MYBPC2: variants seen among roughly 807,000 people sequenced by gnomAD.
MYBPC2 encodes the protein myosin-binding protein C, fast-type.
Under a neutral mutation model 137.0 loss-of-function variants are expected in MYBPC2, and 122 were observed. The ratio of observed to expected loss-of-function variants is 0.89; its 90% confidence interval spans 0.77 to 1.03. MYBPC2 has a LOEUF of 1.03. Among genes scored for constraint, MYBPC2 ranks in the 50% least tolerant of loss-of-function variants. The pLI is 0.00. For missense variants in MYBPC2, 1,500 were observed against 1,534.4 expected, an observed-to-expected ratio of 0.98 and a Z score of 0.37; for synonymous variants, 626 against 612.3, an observed-to-expected ratio of 1.02 and a Z score of -0.33.
chr19:50,442,970 G>T (rs1240961018), intron 9 of MYBPC2, among the ~76,000 whole-genome samples: 1 of 151,612 alleles, frequency 6.6e-6, no homozygotes, highest in Non-Finnish European at 1.5e-5. Flanking sequence ...GTAGAGATGG[G>T]GTTTTACCAT....
rs778154387 is a variant in MYBPC2, at chr19:50,446,068, G to A, written c.1306+16G>A. On this transcript the variant is annotated intron_variant, in intron 12 of 27. Coordinates refer to ENST00000357701, the MANE Select transcript of MYBPC2 (RefSeq NM_004533.4). ...ATTGTGGAAGGTATGGGGCCTCCAG[G>A]TAGGGCACGGGCTGCACTGCGCATG... 2.9e-5 allele frequency: 46 copies of A among 1,609,782 alleles called. No homozygotes were observed. The highest frequency in any genetic ancestry group is 3.8e-5 in the Non-Finnish European group (45 of 1,178,250).
chr19:50,460,320 C>A lies in MYBPC2; in HGVS notation c.2931+141C>A. 7 of 1,219,526 alleles carry A rather than the reference C, an allele frequency of 5.7e-6. 1 individual carries two copies. In the South Asian group the frequency reaches 1.1e-4, roughly 20 times the overall value. The allele number at this position is 1,219,526 out of a possible 1,614,324, so 75.5% of individuals were successfully genotyped here. A position where few individuals can be genotyped will look rare whatever the true frequency, so the allele number is the denominator to read the frequency against. ...TGGGGCCAGGAGGGAAGCCTTTTAGCTGAGACTTGGCACGTGATGGGTTTT... is the reference window on the plus strand; with the variant it reads ...TGGGGCCAGGAGGGAAGCCTTTTAGATGAGACTTGGCACGTGATGGGTTTT... On this transcript the variant is annotated intron_variant, in intron 24 of 27. Coordinates refer to ENST00000357701, the MANE Select transcript of MYBPC2 (RefSeq NM_004533.4).
intron 20 of MYBPC2, among the ~76,000 whole-genome samples, chr19:50,457,348 C>T (rs2039922818): frequency 6.6e-6 from 1 of 152,176 alleles, no homozygotes; most frequent in African/African-American, 2.4e-5. Context: ...ATGAGTTCCC[C>T]AGCCCATGGC....
At chr19:50,460,305 A>G (rs1601297727) in intron 24 of MYBPC2, 126 bp downstream of exon 24, 1 of 1,344,508 alleles carries the variant, frequency 7.4e-7, no homozygotes, top group South Asian at 1.5e-5. Flanking sequence ...TGGGGCCAGG[A>G]GGGAAGCCTT....
At position 50,466,281 on chromosome 19, in the gene MYBPC2, T is replaced by C; in HGVS notation, c.*76T>C. 3.1e-6 allele frequency: 5 copies of C among 1,594,314 alleles called. No homozygotes were observed. The highest frequency in any genetic ancestry group is 3.4e-6 in the Non-Finnish European group (4 of 1,163,908). On this transcript the variant is annotated 3_prime_UTR_variant, in exon 28 of 28. Transcript: ENST00000357701. The surrounding 1 kb of genome is among the most constrained non-coding windows in gnomAD (Gnocchi z 4.9). ...TCCCCAACCTCCCAGGACTGTGTTC[T>C]TTCTGGAGTTTTCGCTGAGAACAAA...
At chr19:50,456,050 TTCCATCCA>T (rs902541368) in intron 20 of MYBPC2, among the ~76,000 whole-genome samples, 3 of 146,548 alleles carry the variant, frequency 2.0e-5, no homozygotes, top group Non-Finnish European at 3.0e-5. Flanking sequence ...CCATCCATAT[TTCCATCCA>T]TCCATCCATC....
chr19:50,458,504 C>T, intron 20 of MYBPC2, 83 bp from the exon 21 acceptor site: 1 of 1,518,286 alleles, frequency 6.6e-7, no homozygotes, highest in South Asian at 1.3e-5. Context: ...TCGCTCGCTG[C>T]GTGGGGCCCA....
intron 1 of MYBPC2, among the ~76,000 whole-genome samples, chr19:50,433,726 C>A (rs899173910): frequency 6.6e-6 from 1 of 151,218 alleles, no homozygotes; most frequent in Non-Finnish European, 1.5e-5. Flanking sequence ...TGACTGGATT[C>A]TCCACATCCG....
chr19:50,462,633 G>A (rs2039982213), intron 26 of MYBPC2, among the ~76,000 whole-genome samples: 1 of 151,888 alleles, frequency 6.6e-6, no homozygotes, highest in South Asian at 2.1e-4. Context: ...AGGCTGGAGT[G>A]CAGTGGTGCG....
chr19:50,443,607 T>C lies in MYBPC2; in HGVS notation c.1016T>C (p.Leu339Pro), dbSNP rs745683077. The change falls in exon 10 of 28, where the codon CTC (leucine) becomes CCC (proline). Residue 339 changes from leucine to proline, a missense_variant. By Grantham distance (98) the Leu-to-Pro change is moderately conservative. Coordinates refer to ENST00000357701, the MANE Select transcript of MYBPC2 (RefSeq NM_004533.4). ...AVKDEKCFTE[L>P]FVKEPPVLIV... ...AAGGATGAGAAGTGTTTCACCGAGC[T>C]CTTCGTCAAAGGTGAGGCTGGAATT... The C allele has an allele frequency of 1.2e-6, 2 of 1,613,712 alleles. No individual in the cohort carries two copies. The highest frequency in any genetic ancestry group is 4.5e-5 in the East Asian group (2 of 44,882).
rs201201601 is a variant in MYBPC2 at position 50,458,874 on chromosome 19, C to T, written c.2507-44C>T. The T allele has an allele frequency of 7.8e-3, 12,494 of 1,592,680 alleles. 82 individuals carry two copies. Among genetic ancestry groups the T allele is most frequent in the Non-Finnish European group, 9.3e-3 (10,816 of 1,168,976 alleles). ...TATCACCATTGGCCCCTGGAATGCG[C>T]CCCGGCCCCCCGCTGAGCCCCCTCC... On this transcript the variant is annotated intron_variant, in intron 21 of 27. Transcript: ENST00000357701.
intron 1 of MYBPC2, among the ~76,000 whole-genome samples, chr19:50,433,600 G>A (rs1195573487): frequency 1.3e-5 from 2 of 151,936 alleles, no homozygotes; most frequent in Non-Finnish European, 2.9e-5. Flanking sequence ...TCGCCATGTT[G>A]ACCAGGCTGG....
In MYBPC2 at chr19:50,458,651, C is replaced by G. The variant is rs780255496; in HGVS notation, c.2403C>G (p.Leu801=). The G allele has an allele frequency of 6.2e-7, 1 of 1,612,744 alleles. No homozygotes were observed. The highest frequency in any genetic ancestry group is 1.3e-5 in the African/African-American group (1 of 74,946). Residue 801 remains leucine, a synonymous_variant, in exon 21 of 28, where the codon CTC becomes CTG. Coordinates refer to ENST00000357701, the MANE Select transcript of MYBPC2 (RefSeq NM_004533.4). The stretch of plus-strand genomic sequence containing the variant: ...GCTGTGGCTTCACCGTCAAGAATCT[C>G]CCGACCGGAGCCAGAATCCTCTTCC... The part of the protein sequence containing the change: ...VERCGFTVKN[L]PTGARILFRV...
rs527968802 is a variant in MYBPC2, at chr19:50,463,504, T to A, written c.3229-842T>A. On this transcript the variant is annotated intron_variant, in intron 26 of 27. Transcript: ENST00000357701. ...GCTTATTTACAGCACTGTTTCGTGCTCTCATTCATTTATTCACTCCATTTA... is the reference window on the plus strand; with the variant it reads ...GCTTATTTACAGCACTGTTTCGTGCACTCATTCATTTATTCACTCCATTTA... Among the ~76,000 whole-genome samples, 224 of 152,354 alleles carry A rather than the reference T, an allele frequency of 1.5e-3. 1 individual carries two copies. Among genetic ancestry groups the A allele is most frequent in the African/African-American group, 5.2e-3 (217 of 41,578 alleles).
chr19:50,446,249 G>T (rs1297877292), intron 12 of MYBPC2, among the ~76,000 whole-genome samples, 197 bp downstream of exon 12: 1 of 152,086 alleles, frequency 6.6e-6, no homozygotes, highest in African/African-American at 2.4e-5. Context: ...GGTGGCTCAC[G>T]CCTGTAATCC....
In MYBPC2 at chr19:50,441,092, G is replaced by C. The variant is rs779289142; in HGVS notation, c.769+16G>C. ...AAGAGTGCAGGTCAGCCCTGGTCTG[G>C]GGGGAGCTGGGCCCTGCACACAAGG... On this transcript the variant is annotated intron_variant, in intron 8 of 27. Transcript: ENST00000357701. The C allele has an allele frequency of 2.0e-5, 31 of 1,567,640 alleles. No individual in the cohort carries two copies. Among genetic ancestry groups the C allele is most frequent in the South Asian group, 7.1e-5 (6 of 84,734 alleles).
chr19:50,438,078 A>C (rs1364434779), intron 7 of MYBPC2, among the ~76,000 whole-genome samples: 1 of 151,628 alleles, frequency 6.6e-6, no homozygotes, highest in Non-Finnish European at 1.5e-5. Flanking sequence ...CCATCCCTCC[A>C]TCCCTCCACT....
At position 50,432,919 on chromosome 19, in the gene MYBPC2, G is replaced by A; in HGVS notation, c.-35G>A. The A allele has an allele frequency of 6.2e-7, 1 of 1,602,968 alleles. No homozygotes were observed. The stretch of plus-strand genomic sequence containing the variant: ...CCTCCCTAGGGCCTAGCGGGACGCG[G>A]CTGCGGTCAGAGGAGCAGGAGGAGG... On this transcript the variant is annotated 5_prime_UTR_variant, in exon 1 of 28. Transcript: ENST00000357701. This position sits in a 1 kb window ranked among gnomAD's most constrained non-coding sequence, Gnocchi z 5.5.
In MYBPC2 at chr19:50,464,407, C is replaced by A; in HGVS notation, c.3290C>A (p.Thr1097Asn). 1 of 1,611,434 alleles carries A rather than the reference C, an allele frequency of 6.2e-7. No homozygotes were observed. Among genetic ancestry groups the A allele is most frequent in the Non-Finnish European group, 8.5e-7 (1 of 1,178,970 alleles). Residue 1097 changes from threonine (T) to asparagine (N), a missense_variant, in exon 27 of 28, where the codon ACC becomes AAC. By Grantham distance (65) the Thr-to-Asn change is moderately conservative (BLOSUM62 0). Coordinates refer to ENST00000357701, the MANE Select transcript of MYBPC2 (RefSeq NM_004533.4). ...EIREDPKFLITNYQGVLTLNI... is the reference protein window; with the variant it reads ...EIREDPKFLINNYQGVLTLNI... ...CGTGAAGATCCCAAGTTCCTGATAACCAATTACCAAGGAGTCCTGACGCTG... is the reference window on the plus strand; with the variant it reads ...CGTGAAGATCCCAAGTTCCTGATAAACAATTACCAAGGAGTCCTGACGCTG...
Sources: allele counts gnomAD v4.1 joint callset (sites outside exome capture counted in the v4.1 genomes callset), GRCh38; gene constraint gnomAD v4.1.1; non-coding constraint Gnocchi (gnomAD v3.1); transcripts MANE v1.5; gene names NCBI Gene and HGNC (gene_info 2026-07-23, HGNC 2026-07-21).